The following PPARGC1A variants were observed in gnomAD, a reference collection of about 807,000 sequenced individuals.
PPARGC1A encodes PPARG coactivator 1 alpha, also known as peroxisome proliferator-activated receptor gamma coactivator 1-alpha.
In PPARGC1A, 25 loss-of-function variants were observed where a neutral mutation model predicts 88.7. That is an observed-to-expected ratio of 0.28 (90% CI 0.21 to 0.39). The LOEUF is 0.39. Ranked by LOEUF, PPARGC1A falls within the 10% of genes least tolerant of loss-of-function variation. PPARGC1A has a pLI of 1.00. For synonymous variants in PPARGC1A, 363 were observed against 355.6 expected (o/e 1.02, Z -0.24); for missense variants, 880 against 968.7 (o/e 0.91, Z 1.22).
chr4:24,193,652 G>A, the PPARGC1A span, among the ~76,000 whole-genome samples: 2 of 152,164 alleles, frequency 1.3e-5, no homozygotes, highest in Non-Finnish European at 2.9e-5. Flanking sequence ...TCTTTTACAA[G>A]CTGTATCCCA....
chr4:24,457,470 T>C, the PPARGC1A span, among the ~76,000 whole-genome samples: 1 of 152,170 alleles, frequency 6.6e-6, no homozygotes, highest in Non-Finnish European at 1.5e-5. Flanking sequence ...TGCCATAGGA[T>C]ATAGTCAACA....
the PPARGC1A span, among the ~76,000 whole-genome samples, chr4:24,371,426 G>C: frequency 6.6e-6 from 1 of 152,174 alleles, no homozygotes; most frequent in Admixed American, 6.5e-5. Flanking sequence ...AAACAATCGA[G>C]TTGCTTAGAG....
At position 23,795,505 on chromosome 4, in the gene PPARGC1A, ACACACACACATACATG is replaced by A. The variant is rs2109299670; in HGVS notation, c.*301_*316del. ...AAGCACACACACCACACACATACATACACACACACATACATGCACACACGCACACTCCATCACCAAG... is the reference window on the plus strand; with the variant it reads ...AAGCACACACACCACACACATACATACACACACGCACACTCCATCACCAAG... On this transcript the variant is annotated 3_prime_UTR_variant, in exon 13 of 13. Transcript: ENST00000264867. 4.0e-6 allele frequency: 1 copy of A among 252,376 alleles called. No individual in the cohort carries two copies. Among genetic ancestry groups the A allele is most frequent in the East Asian group, 1.3e-4 (1 of 7,518 alleles). 15.6% of individuals were successfully genotyped at this position (252,376 alleles called of 1,614,324 possible). A position where few individuals can be genotyped will look rare whatever the true frequency, so the allele number is the denominator to read the frequency against.
At chr4:24,343,285 C>G in the PPARGC1A span, among the ~76,000 whole-genome samples, 1 of 152,180 alleles carries the variant, frequency 6.6e-6, no homozygotes, top group Non-Finnish European at 1.5e-5. Context: ...GAAACTTCAT[C>G]TCTAATGCAA....
At chr4:24,015,230 G>A in the PPARGC1A span, among the ~76,000 whole-genome samples, 7 of 152,100 alleles carry the variant, frequency 4.6e-5, no homozygotes, top group Non-Finnish European at 7.4e-5. Context: ...ATATACATAC[G>A]TAAACATAGT....
the PPARGC1A span, among the ~76,000 whole-genome samples, chr4:24,297,160 T>G: frequency 6.6e-6 from 1 of 152,150 alleles, no homozygotes; most frequent in Non-Finnish European, 1.5e-5. Context: ...AAATCAAGGC[T>G]TCTAATAATG....
chr4:23,811,889 CTTTTTTTTTTTTTTTTTTTTT>C (rs71196134), intron 10 of PPARGC1A, among the ~76,000 whole-genome samples: 11 of 59,084 alleles, frequency 1.9e-4, no homozygotes, highest in East Asian at 6.6e-4. Flanking sequence ...GAAGAAATGA[CTTTTTTTTTTTTTTTTTTTTT>C]TTTTTTTTTT....
intron 2 of PPARGC1A, among the ~76,000 whole-genome samples, chr4:23,847,834 T>C (rs905979165): frequency 6.6e-6 from 1 of 152,240 alleles, no homozygotes; most frequent in Non-Finnish European, 1.5e-5. Context: ...AGATTTCAGA[T>C]GACTTTAAGT....
At chr4:24,355,002 T>A in the PPARGC1A span, among the ~76,000 whole-genome samples, 1 of 152,016 alleles carries the variant, frequency 6.6e-6, no homozygotes. Context: ...ATGGAAAAAA[T>A]TGTTTAGGTG....
the PPARGC1A span, among the ~76,000 whole-genome samples, chr4:23,928,771 A>AAAAAAAAAAAAAAAAAAAAAAAAC: frequency 4.3e-4 from 1 of 2,334 alleles, no homozygotes. Flanking sequence ...CAAAAAAAAC[A>AAAAAAAAAAAAAAAAAAAAAAAAC]AAAAAAAACA....
chr4:24,446,970 A>C, the PPARGC1A span, among the ~76,000 whole-genome samples: 1 of 152,086 alleles, frequency 6.6e-6, no homozygotes, highest in Non-Finnish European at 1.5e-5. Context: ...CACCCACTGA[A>C]TCAAAGACAC....
the PPARGC1A span, among the ~76,000 whole-genome samples, chr4:24,266,575 T>G: frequency 6.6e-6 from 1 of 152,094 alleles, no homozygotes; most frequent in South Asian, 2.1e-4. Flanking sequence ...TAAGAATTTC[T>G]GTTGGTGATA....
the PPARGC1A span, among the ~76,000 whole-genome samples, chr4:24,341,358 C>G: frequency 6.6e-6 from 1 of 151,944 alleles, no homozygotes; most frequent in Non-Finnish European, 1.5e-5. Flanking sequence ...TATTTCAATA[C>G]TAAGTTGATC....
chr4:24,180,569 T>A, the PPARGC1A span, among the ~76,000 whole-genome samples: 2 of 152,180 alleles, frequency 1.3e-5, no homozygotes, highest in Non-Finnish European at 2.9e-5. Context: ...ATCGGTCACT[T>A]ACTTTAGCAA....
chr4:24,336,962 G>A, the PPARGC1A span, among the ~76,000 whole-genome samples: 1 of 152,202 alleles, frequency 6.6e-6, no homozygotes, highest in Middle Eastern at 3.4e-3. Flanking sequence ...ATGACTTTGT[G>A]CAAAAAGTTA....
chr4:23,911,689 A>G, the PPARGC1A span, among the ~76,000 whole-genome samples: 2 of 152,220 alleles, frequency 1.3e-5, no homozygotes, highest in Admixed American at 1.3e-4. Flanking sequence ...AGGACTAGAG[A>G]AATTGTGATA....
upstream of PPARGC1A, among the ~76,000 whole-genome samples, chr4:23,907,291 A>G (rs1232495940): frequency 6.6e-6 from 1 of 152,220 alleles, no homozygotes; most frequent in African/African-American, 2.4e-5. Flanking sequence ...AGTTGCATGC[A>G]TTGATTCTGT....
chr4:24,281,378 T>C, the PPARGC1A span, among the ~76,000 whole-genome samples: 2 of 152,168 alleles, frequency 1.3e-5, no homozygotes, highest in Admixed American at 6.5e-5. Context: ...CAGTGGAAGA[T>C]GAAGAGGAGA....
chr4:23,866,335 C>T (rs1006318253), intron 2 of PPARGC1A: 1 of 152,114 alleles, frequency 6.6e-6, no homozygotes, highest in East Asian at 1.9e-4. Context: ...TTTGGTTTTA[C>T]TGAAGGTAAT....
Sources: gnomAD v4.1 joint callset for allele counts (sites outside exome capture counted in the v4.1 genomes callset) on GRCh38, gnomAD v4.1.1 for gene constraint, MANE v1.5 for transcripts, NCBI Gene and HGNC (gene_info 2026-07-23, HGNC 2026-07-21) for gene names.